Variants in CNTN4 observed in about 807,000 individuals in gnomAD.
CNTN4 encodes the protein contactin-4.
CNTN4 carries 77 observed loss-of-function variants against 122.5 expected under a neutral mutation model. The ratio of observed to expected loss-of-function variants is 0.63; its 90% CI spans 0.52 to 0.76. The LOEUF is 0.76. Ranked by LOEUF, CNTN4 falls within the 30% of genes least tolerant of loss-of-function variation. The probability of loss-of-function intolerance (pLI) is 0.00; values close to 1 mark genes in which losing one functional copy is unlikely to be tolerated. For missense variants in CNTN4, 1,256 were observed against 1,259.1 expected (o/e 1.00, Z 0.04); for synonymous variants, 512 against 447.0 (o/e 1.15, Z -1.83).
chr3:2,576,042 A>G lies in CNTN4; in HGVS notation c.55+4484A>G, dbSNP rs181711867. On this transcript the variant is annotated intron_variant, in intron 4 of 24. Transcript: ENST00000418658. ...AGTAGAGACGGGGTTTCACCATGTT[A>G]GCCAGGATGGTCTCGATCTCCTGAC... 7.4e-3 allele frequency among the ~76,000 whole-genome samples: 1,122 copies of G among 152,010 alleles called. 7 individuals are homozygous for G. The highest frequency in any genetic ancestry group is 0.011 in the African/African-American group (474 of 41,472).
intron 3 of CNTN4, among the ~76,000 whole-genome samples, chr3:2,533,258 A>G (rs1237774929): frequency 1.3e-5 from 2 of 151,546 alleles, no homozygotes; most frequent in African/African-American, 4.9e-5. Context: ...AGCATTAGGT[A>G]TATCTCCTAA....
chr3:2,938,256 T>G (rs1352713714), intron 13 of CNTN4, among the ~76,000 whole-genome samples: 1 of 152,152 alleles, frequency 6.6e-6, no homozygotes, highest in Non-Finnish European at 1.5e-5. Flanking sequence ...GGTTATCTTG[T>G]GGCCATTTTT....
chr3:2,668,910 T>G (rs573626616), intron 4 of CNTN4, among the ~76,000 whole-genome samples: 1 of 152,360 alleles, frequency 6.6e-6, no homozygotes, highest in African/African-American at 2.4e-5. Context: ...TTTGCATATG[T>G]TGAACCAGCC....
intron 3 of CNTN4, among the ~76,000 whole-genome samples, chr3:2,425,823 G>A (rs1020720865): frequency 6.6e-6 from 1 of 152,104 alleles, no homozygotes; most frequent in Non-Finnish European, 1.5e-5. Context: ...TATTCTCTTT[G>A]AAGCAATTGT....
intron 2 of CNTN4, among the ~76,000 whole-genome samples, chr3:2,177,951 AT>A (rs2036830630): frequency 6.6e-6 from 1 of 152,024 alleles, no homozygotes; most frequent in Admixed American, 6.6e-5. Context: ...GGATTTTAAA[AT>A]TTTTTATACT....
intron 3 of CNTN4, among the ~76,000 whole-genome samples, chr3:2,547,830 T>C (rs2149339952): frequency 6.6e-6 from 1 of 152,304 alleles, no homozygotes; most frequent in East Asian, 1.9e-4. Flanking sequence ...CTCATGTTTC[T>C]CATGATACTG....
Position 3,050,763 on chromosome 3 carries a change from C to CA in CNTN4, c.2812-3024dup, listed in dbSNP as rs1184756504. 3.2e-3 allele frequency among the ~76,000 whole-genome samples: 270 copies of CA among 84,972 alleles called. 6 individuals are homozygous for CA. Among genetic ancestry groups the CA allele is most frequent in the Middle Eastern group, 0.021 (3 of 144 alleles). 55.7% of individuals were successfully genotyped at this position (84,972 alleles called of 152,430 possible). A position where few individuals can be genotyped will look rare whatever the true frequency, so the allele number is the denominator to read the frequency against. ...GGGCAATAAGAGTGAAACTCCGTCT[C>CA]AAAAAAAAAAAAAAAAAAAATCCAG... On this transcript the variant is annotated intron_variant, in intron 23 of 24. Transcript: ENST00000418658.
At chr3:2,941,647 T>A (rs1442993123) in intron 13 of CNTN4, among the ~76,000 whole-genome samples, 1 of 152,210 alleles carries the variant, frequency 6.6e-6, no homozygotes, top group Non-Finnish European at 1.5e-5. Flanking sequence ...TCATTTCTTG[T>A]CCAGATGGTT....
At chr3:2,472,054 A>G (rs1361464068) in intron 3 of CNTN4, among the ~76,000 whole-genome samples, 1 of 151,938 alleles carries the variant, frequency 6.6e-6, no homozygotes, top group Non-Finnish European at 1.5e-5. Context: ...CATCTCTACT[A>G]AAAATACAAA....
intron 13 of CNTN4, among the ~76,000 whole-genome samples, chr3:2,968,732 G>C (rs1350212091): frequency 6.6e-6 from 1 of 152,178 alleles, no homozygotes; most frequent in Non-Finnish European, 1.5e-5. Context: ...TATATTGCAT[G>C]AGCTTATAGA....
chr3:2,194,553 T>C (rs148980261), intron 2 of CNTN4, among the ~76,000 whole-genome samples: 74 of 152,316 alleles, frequency 4.9e-4, no homozygotes, highest in African/African-American at 1.7e-3. Flanking sequence ...AAAAAAGATA[T>C]TTTGAAATCC....
At chr3:3,019,977 T>G (rs186008481) in intron 14 of CNTN4, among the ~76,000 whole-genome samples, 1 of 152,126 alleles carries the variant, frequency 6.6e-6, no homozygotes, top group African/African-American at 2.4e-5. Context: ...AATAAATTAC[T>G]TTTTAAAATC....
intron 2 of CNTN4, among the ~76,000 whole-genome samples, chr3:2,117,040 T>A (rs180844658): frequency 3.3e-5 from 5 of 152,126 alleles, no homozygotes; most frequent in African/African-American, 1.2e-4. Context: ...CTAATTCAGT[T>A]CAGTACTGAC....
intron 2 of CNTN4, among the ~76,000 whole-genome samples, chr3:2,123,070 A>G (rs1216595367): frequency 6.6e-6 from 1 of 152,226 alleles, no homozygotes; most frequent in Non-Finnish European, 1.5e-5. Context: ...GACTTAAGGC[A>G]TCCTCAGCAA....
At chr3:2,448,690 G>A (rs1015102864) in intron 3 of CNTN4, among the ~76,000 whole-genome samples, 6 of 152,130 alleles carry the variant, frequency 3.9e-5, no homozygotes, top group Admixed American at 1.3e-4. Flanking sequence ...AGCTGTATCC[G>A]TTATCCATTT....
chr3:3,038,782 GGCCC>G lies in CNTN4; in HGVS notation c.2093-150_2093-147del. 5 of 530,546 alleles carry G rather than the reference GGCCC, an allele frequency of 9.4e-6. 2 individuals carry two copies. The highest frequency in any genetic ancestry group is 8.6e-5 in the South Asian group (3 of 35,048). 32.9% of individuals were successfully genotyped at this position (530,546 alleles called of 1,614,324 possible). On this transcript the variant is annotated intron_variant, in intron 18 of 24. Coordinates refer to ENST00000418658, the MANE Select transcript of CNTN4 (RefSeq NM_175607.3). ...TTCACTTCCTCGAGCGGTCGCCGTG[GGCCC>G]CTTGACAATGCTGTTGCTGATCTCC... is the stretch of plus-strand genomic sequence containing the variant.
chr3:2,435,386 T>C (rs1219585827), intron 3 of CNTN4, among the ~76,000 whole-genome samples: 1 of 152,144 alleles, frequency 6.6e-6, no homozygotes, highest in Non-Finnish European at 1.5e-5. Flanking sequence ...TACAGTGTAA[T>C]TCTATGTAAA....
intron 3 of CNTN4, among the ~76,000 whole-genome samples, chr3:2,364,265 CAG>C (rs1405741267): frequency 6.6e-6 from 1 of 152,162 alleles, no homozygotes; most frequent in African/African-American, 2.4e-5. Flanking sequence ...ATATTTATCT[CAG>C]AGTTGTTGTC....
intron 2 of CNTN4, among the ~76,000 whole-genome samples, chr3:2,127,298 C>G (rs915123265): frequency 6.6e-6 from 1 of 152,236 alleles, no homozygotes; most frequent in Non-Finnish European, 1.5e-5. Flanking sequence ...AGAGAACTTT[C>G]AGAAGTACCT....
Sources: allele counts gnomAD v4.1 joint callset (sites outside exome capture counted in the v4.1 genomes callset), GRCh38; gene constraint gnomAD v4.1.1; transcripts MANE v1.5; gene names NCBI Gene and HGNC (gene_info 2026-07-23, HGNC 2026-07-21).